EML6: variants seen among roughly 807,000 people sequenced by gnomAD.
The protein encoded by EML6 is EMAP like 6, also known as echinoderm microtubule-associated protein-like 6.
EML6 carries 154 observed loss-of-function variants against 240.1 expected under a neutral mutation model. That is an observed-to-expected ratio of 0.64 (90% CI 0.56 to 0.73). The LOEUF is 0.73. Ranked by LOEUF, EML6 falls within the 30% of genes least tolerant of loss-of-function variation. The pLI is 0.00. For synonymous variants in EML6, 1,148 were observed against 899.0 expected, an observed-to-expected ratio of 1.28 and a Z score of -4.95; for missense variants, 2,964 against 2,474.6, an observed-to-expected ratio of 1.20 and a Z score of -4.20.
intron 2 of EML6, among the ~76,000 whole-genome samples, chr2:54,751,260 T>C (rs1455922404): frequency 6.6e-6 from 1 of 152,202 alleles, no homozygotes; most frequent in Non-Finnish European, 1.5e-5. Flanking sequence ...ATTGGATTAC[T>C]GGTGTGGAGG....
chr2:54,855,829 A>G (rs1162866751), intron 11 of EML6, among the ~76,000 whole-genome samples: 3 of 152,174 alleles, frequency 2.0e-5, no homozygotes, highest in African/African-American at 7.2e-5. Flanking sequence ...GGGGAAGTGA[A>G]TAAAAGAGTG....
In EML6 at chr2:54,895,046, A is replaced by C. The variant is rs926909918; in HGVS notation, c.2854+20A>C. 2 of 1,502,808 alleles carry C rather than the reference A, an allele frequency of 1.3e-6. No homozygotes were observed. Among genetic ancestry groups the C allele is most frequent in the Non-Finnish European group, 1.8e-6 (2 of 1,102,432 alleles). 93.1% of individuals were successfully genotyped at this position (1,502,808 alleles called of 1,614,324 possible). A position where few individuals can be genotyped will look rare whatever the true frequency, so the allele number is the denominator to read the frequency against. On this transcript the variant is annotated intron_variant, in intron 20 of 41. Transcript: ENST00000356458. ...CAAAAGGTGCCACTCCCAAACATGT[A>C]ATAGAGATCTTTGTATTCATAGGGA... is the stretch of plus-strand genomic sequence containing the variant.
intron 11 of EML6, among the ~76,000 whole-genome samples, chr2:54,858,948 A>G (rs1670532232): frequency 6.6e-6 from 1 of 152,180 alleles, no homozygotes; most frequent in African/African-American, 2.4e-5. Flanking sequence ...TTATTACTCG[A>G]GTGCCTTGAT....
chr2:54,944,592 G>A (rs1675586845), intron 28 of EML6, among the ~76,000 whole-genome samples: 1 of 151,918 alleles, frequency 6.6e-6, no homozygotes, highest in Non-Finnish European at 1.5e-5. Flanking sequence ...AAATAACTTT[G>A]TATTCACCTA....
intron 7 of EML6, 77 bp from the exon 8 acceptor site, chr2:54,843,965 TGTGTG>T: frequency 1.3e-5 from 3 of 234,890 alleles, no homozygotes; most frequent in East Asian, 3.9e-5. Flanking sequence ...TTTAGGGTTT[TGTGTG>T]TGTGTGTGTG....
At chr2:54,798,223 A>G (rs1669925708) in intron 2 of EML6, among the ~76,000 whole-genome samples, 1 of 152,118 alleles carries the variant, frequency 6.6e-6, no homozygotes, top group Admixed American at 6.6e-5. Context: ...CCCAGGCTGG[A>G]GTGCAGTGGC....
At chr2:54,952,722 C>A in intron 31 of EML6, 30 bp downstream of exon 31, 1 of 1,474,508 alleles carries the variant, frequency 6.8e-7, no homozygotes, top group Non-Finnish European at 9.3e-7. Flanking sequence ...CTGAGGCTCT[C>A]CCAGCTTGCA....
At chr2:54,938,097 G>C (rs565983929) in intron 28 of EML6, among the ~76,000 whole-genome samples, 1 of 152,218 alleles carries the variant, frequency 6.6e-6, no homozygotes, top group Non-Finnish European at 1.5e-5. Flanking sequence ...TGTAATCCTA[G>C]CACATTGGGA....
intron 2 of EML6, among the ~76,000 whole-genome samples, chr2:54,743,211 C>T (rs968682552): frequency 6.6e-6 from 1 of 152,148 alleles, no homozygotes; most frequent in Admixed American, 6.5e-5. Flanking sequence ...GCAGGGTGCA[C>T]GCACATACAC....
chr2:54,967,148 G>A, intron 39 of EML6, 45 bp downstream of exon 39: 1 of 1,233,752 alleles, frequency 8.1e-7, no homozygotes, highest in Middle Eastern at 1.9e-4. Context: ...TCACAAGGGA[G>A]TCTCTTGTCT....
intron 6 of EML6, among the ~76,000 whole-genome samples, chr2:54,828,782 A>T (rs1668720562): frequency 6.6e-6 from 1 of 152,254 alleles, no homozygotes; most frequent in Non-Finnish European, 1.5e-5. Flanking sequence ...GTGGAGGAGC[A>T]TCTTGAAATT....
intron 7 of EML6, among the ~76,000 whole-genome samples, chr2:54,841,588 T>A (rs75070242): frequency 6.9e-6 from 1 of 145,612 alleles, no homozygotes; most frequent in Admixed American, 6.8e-5. Flanking sequence ...TGTCTTGGCT[T>A]TTTTTTTTTT....
chr2:54,830,323 G>A (rs1668804297), intron 7 of EML6, among the ~76,000 whole-genome samples: 1 of 152,180 alleles, frequency 6.6e-6, no homozygotes, highest in South Asian at 2.1e-4. Flanking sequence ...CCACAGGTGG[G>A]CCACAGACCC....
intron 26 of EML6, among the ~76,000 whole-genome samples, chr2:54,927,357 C>G (rs1462786847): frequency 6.6e-6 from 1 of 152,194 alleles, no homozygotes; most frequent in Non-Finnish European, 1.5e-5. Flanking sequence ...GCATGCCAGT[C>G]CAAAACCCTC....
At chr2:54,920,704 A>G (rs146979820) in intron 26 of EML6, among the ~76,000 whole-genome samples, 49 of 152,300 alleles carry the variant, frequency 3.2e-4, no homozygotes, top group African/African-American at 1.1e-3. Flanking sequence ...AGATAAGGAC[A>G]TTACAAGAAA....
intron 24 of EML6, among the ~76,000 whole-genome samples, chr2:54,903,852 G>T (rs1344691549): frequency 6.6e-6 from 1 of 152,112 alleles, no homozygotes; most frequent in East Asian, 1.9e-4. Context: ...CCTCCTGGCT[G>T]GTTTCCCTTT....
chr2:54,935,126 T>C (rs768941751), intron 28 of EML6, among the ~76,000 whole-genome samples: 6 of 152,206 alleles, frequency 3.9e-5, no homozygotes, highest in Admixed American at 1.3e-4. Flanking sequence ...GCTTCGTGTT[T>C]AGGTTGTCAC....
rs146723971 is a variant in EML6, at chr2:54,906,779, C to G, written c.3409+3277C>G. On this transcript the variant is annotated intron_variant, in intron 24 of 41. Transcript: ENST00000356458. ...TGTGTCATCCTGATATTCCTGCATT[C>G]CCAACACCTCAGTCCCCAAAATGCC... Among the ~76,000 whole-genome samples the G allele has an allele frequency of 1.2e-3, 189 of 152,328 alleles. 1 individual carries two copies. The highest frequency in any genetic ancestry group is 4.1e-3 in the African/African-American group (169 of 41,568).
chr2:54,892,175 ACT>A (rs1268704911), intron 18 of EML6, among the ~76,000 whole-genome samples: 6 of 152,208 alleles, frequency 3.9e-5, no homozygotes, highest in African/African-American at 1.2e-4. Flanking sequence ...CTCCAGCCAG[ACT>A]CTGAGTTCCT....
Sources: allele counts gnomAD v4.1 joint callset (sites outside exome capture counted in the v4.1 genomes callset), GRCh38; gene constraint gnomAD v4.1.1; transcripts MANE v1.5; gene names NCBI Gene and HGNC (gene_info 2026-07-23, HGNC 2026-07-21).